Variants in ATP13A4 observed in about 807,000 individuals in gnomAD.
ATP13A4 encodes the protein probable cation-transporting ATPase 13A4.
In ATP13A4, 114 loss-of-function variants were observed where a neutral mutation model predicts 142.5. That is an observed-to-expected ratio of 0.80 (90% CI 0.69 to 0.93). ATP13A4 has a LOEUF of 0.93. ATP13A4 is among the 40% of genes least tolerant of loss of function. The probability of loss-of-function intolerance (pLI) is 0.00; values close to 1 mark genes in which losing one functional copy is unlikely to be tolerated. For missense variants in ATP13A4, 1,392 were observed against 1,454.0 expected, an observed-to-expected ratio of 0.96 and a Z score of 0.69; for synonymous variants, 488 against 514.8, an observed-to-expected ratio of 0.95 and a Z score of 0.70.
At chr3:193,573,276 C>CATATATAT (rs1553862244) in intron 2 of ATP13A4, among the ~76,000 whole-genome samples, 1 of 77,844 alleles carries the variant, frequency 1.3e-5, no homozygotes. Flanking sequence ...TATATATATA[C>CATATATAT]ATATATATAT....
At chr3:193,517,898 T>C (rs1177228148) in intron 1 of ATP13A4, among the ~76,000 whole-genome samples, 1 of 152,212 alleles carries the variant, frequency 6.6e-6, no homozygotes, top group Non-Finnish European at 1.5e-5. Context: ...CTAAAGAACA[T>C]TTTTCTAAGT....
chr3:193,469,498 C>T (rs147709389), intron 9 of ATP13A4, among the ~76,000 whole-genome samples: 79 of 152,226 alleles, frequency 5.2e-4, no homozygotes, highest in Admixed American at 1.6e-3. Context: ...TGGTGGTGCA[C>T]ACCTGTAATT....
At chr3:193,532,602 T>C (rs1479455609) in intron 1 of ATP13A4, among the ~76,000 whole-genome samples, 1 of 152,110 alleles carries the variant, frequency 6.6e-6, no homozygotes, top group Non-Finnish European at 1.5e-5. Flanking sequence ...GAATCATTCA[T>C]AAAGTGGCAC....
intron 2 of ATP13A4, among the ~76,000 whole-genome samples, chr3:193,561,289 G>A (rs1053088559): frequency 2.6e-5 from 4 of 152,236 alleles, no homozygotes; most frequent in African/African-American, 9.6e-5. Flanking sequence ...CCCAGGAACT[G>A]GGCTGAGGCC....
intron 21 of ATP13A4, 99 bp downstream of exon 21, chr3:193,440,459 T>C (rs574105860): frequency 6.3e-7 from 1 of 1,583,922 alleles, no homozygotes; most frequent in Admixed American, 1.8e-5. Context: ...TACGGACCAC[T>C]GCCCTTGTCA....
intron 2 of ATP13A4, among the ~76,000 whole-genome samples, chr3:193,562,842 G>A (rs922438154): frequency 3.3e-5 from 5 of 152,262 alleles, no homozygotes; most frequent in South Asian, 2.1e-4. Context: ...CTGAACTCCA[G>A]CCTGGTGACA....
At chr3:193,438,681 T>C in intron 22 of ATP13A4, 97 bp from the exon 23 acceptor site, 1 of 1,036,232 alleles carries the variant, frequency 9.7e-7, no homozygotes, top group Admixed American at 1.9e-5. Flanking sequence ...CACAAGGTGG[T>C]TTGTGTGCCC....
In ATP13A4 at chr3:193,574,912, C is replaced by T. The variant is rs550829651; in HGVS notation, n.291+6795G>A. On this transcript the variant is annotated intron_variant and non_coding_transcript_variant, in intron 2 of 3. Coordinates refer to the ATP13A4 transcript ENST00000489140. Reference sequence around the variant, plus strand: ...GACTATGGTAAAATAAAGATGACCACACATCCCCTTGAATCTGGAAGCCTC... The same window carrying T: ...GACTATGGTAAAATAAAGATGACCATACATCCCCTTGAATCTGGAAGCCTC... Among the ~76,000 whole-genome samples the T allele has an allele frequency of 3.9e-5, 6 of 152,278 alleles. No individual in the cohort carries two copies. The East Asian group carries it at 9.7e-4, about 24-fold the overall frequency.
intron 7 of ATP13A4, among the ~76,000 whole-genome samples, chr3:193,487,826 G>A (rs973459307): frequency 6.6e-6 from 1 of 152,166 alleles, no homozygotes; most frequent in African/African-American, 2.4e-5. Context: ...TATGTGCAAG[G>A]ATGTTCTTGC....
Position 193,514,128 on chromosome 3 carries a change from GT to G in ATP13A4, c.234+569del, listed in dbSNP as rs536913930. 1.1e-3 allele frequency among the ~76,000 whole-genome samples: 160 copies of G among 152,300 alleles called. 1 individual carries two copies. Among genetic ancestry groups the G allele is most frequent in the Middle Eastern group, 6.8e-3 (2 of 294 alleles). On this transcript the variant is annotated intron_variant, in intron 2 of 29. Coordinates refer to ENST00000342695, the MANE Select transcript of ATP13A4 (RefSeq NM_032279.4). ...AAGATCGGGGAACATGTGCAGGTTT[GT>G]TATATGAGTAAACTTGCTTCATGGG...
At chr3:193,435,867 T>C in intron 23 of ATP13A4, 123 bp from the exon 24 acceptor site, 1 of 860,650 alleles carries the variant, frequency 1.2e-6, no homozygotes. Flanking sequence ...ACTGTCTGTC[T>C]GAAAATGGAC....
At position 193,575,534 on chromosome 3, in the gene ATP13A4, C is replaced by T. The variant is rs185037170; in HGVS notation, n.291+6173G>A. Among the ~76,000 whole-genome samples the T allele has an allele frequency of 9.2e-5, 14 of 152,164 alleles. No individual in the cohort carries two copies. The East Asian group carries it at 2.7e-3, about 29-fold the overall frequency. The stretch of plus-strand genomic sequence containing the variant: ...AGAGCAATGGAGGAGAAGTGAGAAA[C>T]GTGGCCAGGGAACAGAGATCAAGTT... On this transcript the variant is annotated intron_variant and non_coding_transcript_variant, in intron 2 of 3. Coordinates refer to the ATP13A4 transcript ENST00000489140.
At chr3:193,451,158 G>T (rs1443857200) in intron 17 of ATP13A4, among the ~76,000 whole-genome samples, 4 of 152,080 alleles carry the variant, frequency 2.6e-5, no homozygotes, top group Non-Finnish European at 5.9e-5. Context: ...CTTCCCTATT[G>T]AAGTGCATGG....
At chr3:193,490,414 A>G (rs551059314) in intron 6 of ATP13A4, among the ~76,000 whole-genome samples, 1 of 152,318 alleles carries the variant, frequency 6.6e-6, no homozygotes, top group South Asian at 2.1e-4. Context: ...AACACCTGCC[A>G]TATTTGAAGT....
rs1714234009 is a variant in ATP13A4, at chr3:193,400,745, G to A, written c.*1907C>T. Among the ~76,000 whole-genome samples, 2 of 152,144 alleles carry A rather than the reference G, an allele frequency of 1.3e-5. No homozygotes were observed. The highest frequency in any genetic ancestry group is 1.3e-4 in the Admixed American group (2 of 15,278). ...GTACCATTCAGGTGAGTTAGTGGAGGTGAATGCACTTAGCAAAGGGCACAT... is the reference window on the plus strand; with the variant it reads ...GTACCATTCAGGTGAGTTAGTGGAGATGAATGCACTTAGCAAAGGGCACAT... On this transcript the variant is annotated 3_prime_UTR_variant, in exon 30 of 30. Coordinates refer to ENST00000342695, the MANE Select transcript of ATP13A4 (RefSeq NM_032279.4).
At chr3:193,564,447 T>C (rs1724089538) in intron 2 of ATP13A4, among the ~76,000 whole-genome samples, 1 of 152,222 alleles carries the variant, frequency 6.6e-6, no homozygotes, top group Non-Finnish European at 1.5e-5. Flanking sequence ...ATCAAGTATC[T>C]GACTGTTTAT....
At chr3:193,405,464 G>T (rs1332692064) in intron 29 of ATP13A4, among the ~76,000 whole-genome samples, 1 of 152,144 alleles carries the variant, frequency 6.6e-6, no homozygotes, top group Non-Finnish European at 1.5e-5. Flanking sequence ...CTCAAGAAAA[G>T]GTTCAGACTT....
chr3:193,461,228 A>G lies in ATP13A4; in HGVS notation c.1523+1534T>C, dbSNP rs571930255. Among the ~76,000 whole-genome samples the G allele has an allele frequency of 1.1e-3, 171 of 152,286 alleles. 1 individual carries two copies. The highest frequency in any genetic ancestry group is 3.8e-3 in the African/African-American group (156 of 41,558). ...AAAGTTTTATGAATAGTTTGGTGTC[A>G]ATGGAATAAGAAGAACATTCAAAAG... On this transcript the variant is annotated intron_variant, in intron 13 of 29. Coordinates refer to ENST00000342695, the MANE Select transcript of ATP13A4 (RefSeq NM_032279.4).
rs1249262554 is a variant in ATP13A4, at chr3:193,418,666, C to T, written c.2843-3916G>A. ...GCAGCCCCCATCAACACCCTGGACACCTACAGTCCTCACAGGCACTGAACC... is the reference window on the plus strand; with the variant it reads ...GCAGCCCCCATCAACACCCTGGACATCTACAGTCCTCACAGGCACTGAACC... On this transcript the variant is annotated intron_variant, in intron 25 of 29. Coordinates refer to ENST00000342695, the MANE Select transcript of ATP13A4 (RefSeq NM_032279.4). Among the ~76,000 whole-genome samples the T allele has an allele frequency of 4.7e-5, 7 of 149,946 alleles. 1 individual carries two copies. Among genetic ancestry groups the T allele is most frequent in the African/African-American group, 1.7e-4 (7 of 40,758 alleles).
Sources: gnomAD v4.1 joint callset for allele counts (sites outside exome capture counted in the v4.1 genomes callset) on GRCh38, gnomAD v4.1.1 for gene constraint, MANE v1.5 for transcripts, NCBI Gene and HGNC (gene_info 2026-07-23, HGNC 2026-07-21) for gene names.